The following BRD7 variants were observed in gnomAD, a reference collection of about 807,000 sequenced individuals.
The protein encoded by BRD7 is bromodomain-containing protein 7.
A neutral mutation model predicts 82.1 loss-of-function variants in BRD7; 15 were observed. The ratio of observed to expected loss-of-function variants is 0.18; its 90% CI spans 0.12 to 0.28. The LOEUF (loss-of-function observed/expected upper bound fraction) is 0.28. BRD7 is among the 10% of genes least tolerant of loss of function. BRD7 has a pLI of 1.00. For missense variants in BRD7, 638 were observed against 779.9 expected (o/e 0.82, Z 2.17); for synonymous variants, 232 against 266.9 (o/e 0.87, Z 1.27).
chr16:50,342,750 G>A (rs1023825146), intron 5 of BRD7, among the ~76,000 whole-genome samples: 3 of 151,996 alleles, frequency 2.0e-5, no homozygotes, highest in African/African-American at 4.8e-5. Context: ...TTATTTTTAG[G>A]AAAATAACTA....
At chr16:50,363,641 TTGTG>T (rs374792308) in intron 2 of BRD7, among the ~76,000 whole-genome samples, 102 of 149,100 alleles carry the variant, frequency 6.8e-4, no homozygotes, top group Admixed American at 2.4e-3. Flanking sequence ...CGTTGTGTGT[TTGTG>T]TGTGTGTGTG....
intron 2 of BRD7, among the ~76,000 whole-genome samples, chr16:50,367,438 G>T (rs1483815153): frequency 6.6e-6 from 1 of 152,134 alleles, no homozygotes; most frequent in East Asian, 1.9e-4. Context: ...TGCCCAGGCT[G>T]GTCTCGAACT....
chr16:50,336,544 A>G (rs188624149), intron 6 of BRD7, among the ~76,000 whole-genome samples: 6 of 152,230 alleles, frequency 3.9e-5, no homozygotes, highest in African/African-American at 1.4e-4. Flanking sequence ...CCTGGGTGAC[A>G]GAGTGAGACT....
At chr16:50,344,107 T>C (rs1161409346) in intron 5 of BRD7, among the ~76,000 whole-genome samples, 1 of 143,802 alleles carries the variant, frequency 7.0e-6, no homozygotes, top group Non-Finnish European at 1.5e-5. Flanking sequence ...CATTCTGCAA[T>C]ATTTGCTGTT....
At chr16:50,353,759 AT>A (rs5816691) in intron 4 of BRD7, among the ~76,000 whole-genome samples, 125,960 of 132,858 alleles carry the variant, frequency 0.95, 59,914 homozygotes, top group East Asian at 0.99. Context: ...ATGCCTGGCA[AT>A]TTTTTTTTTT....
intron 2 of BRD7, among the ~76,000 whole-genome samples, chr16:50,356,723 AAT>A (rs1555471454): frequency 9.9e-4 from 143 of 144,104 alleles, no homozygotes; most frequent in African/African-American, 3.1e-3. Flanking sequence ...GGAAAAAAAA[AAT>A]ATATATATAT....
chr16:50,346,950 A>C (rs963323332), intron 5 of BRD7, among the ~76,000 whole-genome samples: 8 of 152,322 alleles, frequency 5.3e-5, no homozygotes, highest in African/African-American at 1.9e-4. Flanking sequence ...TGGTAGAGAC[A>C]CAACAAAAAA....
chr16:50,350,844 C>A (rs970109801), intron 4 of BRD7, among the ~76,000 whole-genome samples: 2 of 152,116 alleles, frequency 1.3e-5, no homozygotes, highest in East Asian at 3.8e-4. Context: ...AATTCCAATG[C>A]GGGGAAGAAG....
At chr16:50,344,463 T>A (rs1353428938) in intron 5 of BRD7, among the ~76,000 whole-genome samples, 2 of 152,154 alleles carry the variant, frequency 1.3e-5, no homozygotes, top group East Asian at 3.9e-4. Flanking sequence ...AATAACAAAC[T>A]TCTCTGAGCT....
At chr16:50,328,546 A>C in intron 9 of BRD7, 123 bp downstream of exon 9, 1 of 743,014 alleles carries the variant, frequency 1.3e-6, no homozygotes. Flanking sequence ...GTCTAGCTAG[A>C]TCCTTTGTGC....
rs2151168454 is a variant in BRD7, at chr16:50,339,973, T to C, written c.702+3A>G. 1 of 1,546,172 alleles carries C rather than the reference T, an allele frequency of 6.5e-7. No individual in the cohort carries two copies. Among genetic ancestry groups the C allele is most frequent in the Non-Finnish European group, 8.8e-7 (1 of 1,134,312 alleles). On this transcript the variant is annotated splice_donor_region_variant and intron_variant, in intron 6 of 16. Transcript: ENST00000394688. The stretch of plus-strand genomic sequence containing the variant: ...ATTATTTATGACAAAGAGTTTCCTT[T>C]ACCTGGCTAAGAATTTTCATTCCTG...
At chr16:50,319,561 A>G (rs1466570072) in intron 16 of BRD7, among the ~76,000 whole-genome samples, 1 of 152,244 alleles carries the variant, frequency 6.6e-6, no homozygotes, top group Non-Finnish European at 1.5e-5. Context: ...CCACATCTGC[A>G]GATTCAACCA....
intron 6 of BRD7, among the ~76,000 whole-genome samples, chr16:50,338,967 C>T (rs896995237): frequency 3.9e-5 from 6 of 152,178 alleles, no homozygotes; most frequent in African/African-American, 1.4e-4. Context: ...GCTTATCTTG[C>T]GAGTTATTTT....
At chr16:50,331,000 TTA>T (rs1442914580) in intron 8 of BRD7, among the ~76,000 whole-genome samples, 1 of 152,032 alleles carries the variant, frequency 6.6e-6, no homozygotes, top group Non-Finnish European at 1.5e-5. Flanking sequence ...CAATATCAAT[TTA>T]CAAAAATCAG....
At chr16:50,319,324 G>GGACAT (rs1472284288) in intron 16 of BRD7, 58 bp from the exon 17 acceptor site, 5 of 1,528,786 alleles carry the variant, frequency 3.3e-6, no homozygotes, top group Admixed American at 3.6e-5. Context: ...ATTAAAAAGG[G>GGACAT]GACATGAAAG....
chr16:50,336,235 T>A lies in BRD7; in HGVS notation c.703-1340A>T, dbSNP rs1387882850. On this transcript the variant is annotated intron_variant, in intron 6 of 16. Coordinates refer to ENST00000394688, the MANE Select transcript of BRD7 (RefSeq NM_013263.5). ...TTAGATTTCCATGTTTCCACTATTA[T>A]AAATAAAAGTACCATCAACATCATT... 2.6e-5 allele frequency among the ~76,000 whole-genome samples: 4 copies of A among 152,350 alleles called. 1 individual carries two copies. The highest frequency in any genetic ancestry group is 9.6e-5 in the African/African-American group (4 of 41,578).
At chr16:50,343,354 G>T (rs568260030) in intron 5 of BRD7, among the ~76,000 whole-genome samples, 1 of 152,174 alleles carries the variant, frequency 6.6e-6, no homozygotes, top group South Asian at 2.1e-4. Flanking sequence ...CAAGGTGGCC[G>T]AATAGGAACA....
At chr16:50,350,512 A>T (rs2038474647) in intron 4 of BRD7, among the ~76,000 whole-genome samples, 1 of 152,224 alleles carries the variant, frequency 6.6e-6, no homozygotes, top group Admixed American at 6.5e-5. Context: ...GCATATTTTT[A>T]ACCAACCAAA....
At chr16:50,319,780 G>A (rs551121617) in intron 16 of BRD7, 107 bp downstream of exon 16, 1 of 1,410,610 alleles carries the variant, frequency 7.1e-7, no homozygotes, top group Non-Finnish European at 9.6e-7. Flanking sequence ...CTATCTTTGT[G>A]GGGTAAATAC....
Sources: allele counts gnomAD v4.1 joint callset (sites outside exome capture counted in the v4.1 genomes callset), GRCh38; gene constraint gnomAD v4.1.1; transcripts MANE v1.5; gene names NCBI Gene and HGNC (gene_info 2026-07-23, HGNC 2026-07-21).